KIF5B: variants seen among roughly 807,000 people sequenced by gnomAD.
KIF5B encodes kinesin-1 heavy chain.
A neutral mutation model predicts 132.8 loss-of-function variants in KIF5B; 49 were observed. The observed-to-expected ratio is 0.37, with a 90% CI of 0.29 to 0.47. The LOEUF (loss-of-function observed/expected upper bound fraction) is 0.47. Ranked by LOEUF, KIF5B falls within the 20% of genes least tolerant of loss-of-function variation. KIF5B has a pLI of 1.00. For synonymous variants in KIF5B, 355 were observed against 369.4 expected (o/e 0.96, Z 0.45); for missense variants, 780 against 1,144.0 (o/e 0.68, Z 4.59).
chr10:32,054,325 G>A (rs746871867), intron 1 of KIF5B, among the ~76,000 whole-genome samples: 3 of 152,176 alleles, frequency 2.0e-5, no homozygotes, highest in Non-Finnish European at 4.4e-5. Flanking sequence ...CGCCTCTGCC[G>A]GGCTATGATG....
At chr10:32,044,693 A>G (rs903564362) in intron 2 of KIF5B, among the ~76,000 whole-genome samples, 2 of 152,034 alleles carry the variant, frequency 1.3e-5, no homozygotes, top group African/African-American at 2.4e-5. Context: ...AAAAAAAAAA[A>G]AGAAGACAAC....
intron 8 of KIF5B, among the ~76,000 whole-genome samples, chr10:32,036,327 G>GT (rs1177632597): frequency 1.3e-5 from 2 of 152,188 alleles, no homozygotes; most frequent in Non-Finnish European, 2.9e-5. Context: ...TGTTGATGTT[G>GT]TAACTGTTAG....
chr10:32,036,979 A>G (rs1008005276), intron 8 of KIF5B, among the ~76,000 whole-genome samples: 1 of 144,662 alleles, frequency 6.9e-6, no homozygotes, highest in Non-Finnish European at 1.6e-5. Flanking sequence ...AATAAAGTTT[A>G]TAACAACATA....
At chr10:32,017,121 G>C in intron 24 of KIF5B, 22 bp downstream of exon 24, 3 of 1,583,540 alleles carry the variant, frequency 1.9e-6, no homozygotes, top group Non-Finnish European at 2.6e-6. Flanking sequence ...AAGGTTTAAA[G>C]GTTTTAATGT....
chr10:32,036,634 G>GA lies in KIF5B; in HGVS notation c.711+619dup, dbSNP rs5784267. ...GAACAATAAATTAGCAATGTTGGCTGAAGAAATAGCTTAGGAGATTTCTCA... is the reference window on the plus strand; with the variant it reads ...GAACAATAAATTAGCAATGTTGGCTGAAAGAAATAGCTTAGGAGATTTCTCA... On this transcript the variant is annotated intron_variant, in intron 8 of 25. Transcript: ENST00000302418. Among the ~76,000 whole-genome samples, 887 of 152,330 alleles carry GA rather than the reference G, an allele frequency of 5.8e-3. 3 individuals are homozygous for GA. The highest frequency in any genetic ancestry group is 0.02 in the African/African-American group (849 of 41,570).
intron 24 of KIF5B, among the ~76,000 whole-genome samples, chr10:32,016,557 C>T (rs191650903): frequency 6.6e-6 from 1 of 152,254 alleles, no homozygotes; most frequent in Admixed American, 6.5e-5. Flanking sequence ...GATGGAGTCT[C>T]GCTCGTCACC....
intron 1 of KIF5B, among the ~76,000 whole-genome samples, chr10:32,051,071 G>A (rs544774674): frequency 1.0e-3 from 154 of 152,316 alleles, no homozygotes; most frequent in African/African-American, 3.2e-3. Context: ...AAGAGTAATA[G>A]AGGATAAGGC....
rs187971901 is a variant in KIF5B, at chr10:32,052,174, T to C, written c.127-3623A>G. On this transcript the variant is annotated intron_variant, in intron 1 of 25. Transcript: ENST00000302418. ...GAAGGACACCCTTCTGGCAGGGATA[T>C]GTCTTTCTCTGGAATTCTGAATAGC... Among the ~76,000 whole-genome samples the C allele has an allele frequency of 4.4e-3, 674 of 152,340 alleles. 3 individuals are homozygous for C. The highest frequency in any genetic ancestry group is 7.7e-3 in the Non-Finnish European group (526 of 68,028).
rs1363325957 is a variant in KIF5B at position 32,037,692 on chromosome 10, G to T, written c.499-85C>A. The T allele has an allele frequency of 6.1e-6, 6 of 989,538 alleles. No individual in the cohort carries two copies. In the African/African-American group the frequency reaches 8.1e-5, roughly 13 times the overall value. The allele number at this position is 989,538 out of a possible 1,614,324, so 61.3% of individuals were successfully genotyped here. On this transcript the variant is annotated intron_variant, in intron 6 of 25. Transcript: ENST00000302418. ...TAATAAAAACACAAAAATTAGCCGG[G>T]CGCGGTGGCGGGTGCCTGTAATCCT... is the stretch of plus-strand genomic sequence containing the variant.
intron 12 of KIF5B, among the ~76,000 whole-genome samples, chr10:32,033,128 T>A (rs80251133): frequency 0.012 from 1,884 of 152,318 alleles, 37 homozygotes; most frequent in African/African-American, 0.042. Flanking sequence ...TACTTCTATA[T>A]GCAAAGCAGG....
At chr10:32,013,904 C>T (rs937621232) in intron 25 of KIF5B, among the ~76,000 whole-genome samples, 7 of 152,144 alleles carry the variant, frequency 4.6e-5, no homozygotes, top group Admixed American at 2.0e-4. Context: ...ATTGTGTGAA[C>T]AAAACGTTTA....
At position 32,040,393 on chromosome 10, in the gene KIF5B, G is replaced by A; in HGVS notation, c.279C>T (p.His93=). The change falls in exon 3 of 26, where the codon CAC becomes CAT. Residue 93 remains histidine, a synonymous_variant. Transcript: ENST00000302418. ...GATTATAAAACGTTACCTCCATTGTGTGTGTCTTCCCAGAGGATGTTTGTC... is the reference window on the plus strand; with the variant it reads ...GATTATAAAACGTTACCTCCATTGTATGTGTCTTCCCAGAGGATGTTTGTC... The part of the protein sequence containing the change: ...AYGQTSSGKT[H]TMEGKLHDPE... 1.3e-6 allele frequency: 2 copies of A among 1,585,740 alleles called. No homozygotes were observed. The highest frequency in any genetic ancestry group is 4.5e-5 in the East Asian group (2 of 44,662).
chr10:32,038,721 T>C, intron 5 of KIF5B, 57 bp downstream of exon 5: 1 of 969,220 alleles, frequency 1.0e-6, no homozygotes, highest in Non-Finnish European at 1.6e-6. Flanking sequence ...TCACATCTAT[T>C]ATTAAAAAGG....
In KIF5B at chr10:32,055,996, G is replaced by A. The variant is rs1303949623; in HGVS notation, c.-23C>T. 6.3e-7 allele frequency: 1 copy of A among 1,596,674 alleles called. No homozygotes were observed. Among genetic ancestry groups the A allele is most frequent in the Non-Finnish European group, 8.5e-7 (1 of 1,178,810 alleles). ...CATCTTTCTCGCAGCCGGGGCCGGC[G>A]GCCGGGAGCCACTCCCCGCCGCTCA... On this transcript the variant is annotated 5_prime_UTR_variant, in exon 1 of 26. Transcript: ENST00000302418.
In KIF5B at chr10:32,017,432, T is replaced by C. The variant is rs1841188899; in HGVS notation, c.2545-73A>G. 1.1e-5 allele frequency: 13 copies of C among 1,176,566 alleles called. No homozygotes were observed. In the Middle Eastern group the frequency reaches 1.4e-3, roughly 122 times the overall value. 72.9% of individuals were successfully genotyped at this position (1,176,566 alleles called of 1,614,324 possible). ...TTGAAAAAGTATGAGCATTTCATAA[T>C]TGCTCTTTAGAAAAGTAAAACTGCA... On this transcript the variant is annotated intron_variant, in intron 23 of 25. Transcript: ENST00000302418.
intron 15 of KIF5B, among the ~76,000 whole-genome samples, chr10:32,026,722 T>C (rs189186928): frequency 3.3e-5 from 5 of 152,272 alleles, no homozygotes; most frequent in Non-Finnish European, 7.4e-5. Context: ...ACATAAAATA[T>C]AAGATTTGTC....
At chr10:32,040,526 C>T (rs11008742) in intron 2 of KIF5B, 69 bp from the exon 3 acceptor site, 10,914 of 864,954 alleles carry the variant, frequency 0.013, 104 homozygotes, top group Non-Finnish European at 0.016. Context: ...ATTACTTAAA[C>T]TACAGGATGA....
At chr10:32,012,765 G>C (rs1444834319) in intron 25 of KIF5B, among the ~76,000 whole-genome samples, 1 of 152,060 alleles carries the variant, frequency 6.6e-6, no homozygotes, top group Admixed American at 6.6e-5. Context: ...TTTAATGTGA[G>C]GACAATATCC....
At chr10:32,032,320 G>C (rs1841412840) in intron 13 of KIF5B, among the ~76,000 whole-genome samples, 3 of 152,284 alleles carry the variant, frequency 2.0e-5, no homozygotes, top group South Asian at 2.1e-4. Flanking sequence ...CCAGGATTAA[G>C]TTCACTGATG....
Sources: gnomAD v4.1 joint callset for allele counts (sites outside exome capture counted in the v4.1 genomes callset) on GRCh38, gnomAD v4.1.1 for gene constraint, MANE v1.5 for transcripts, NCBI Gene and HGNC (gene_info 2026-07-23, HGNC 2026-07-21) for gene names.